TBL1X: variants seen among roughly 807,000 people sequenced by gnomAD.
The protein encoded by TBL1X is F-box-like/WD repeat-containing protein TBL1X.
Under a neutral mutation model 50.7 loss-of-function variants are expected in TBL1X, and 10 were observed. The observed-to-expected ratio is 0.20, with a 90% CI of 0.12 to 0.33. The LOEUF is 0.33. TBL1X is among the 10% of genes least tolerant of loss of function. The probability of loss-of-function intolerance (pLI) is 1.00; values close to 1 mark genes in which losing one functional copy is unlikely to be tolerated. For synonymous variants in TBL1X, 190 were observed against 214.7 expected, an observed-to-expected ratio of 0.88 and a Z score of 1.01; for missense variants, 340 against 504.4, an observed-to-expected ratio of 0.67 and a Z score of 3.12.
intron 2 of TBL1X, among the ~76,000 whole-genome samples, chrX:9,512,679 G>A (rs1468024328): frequency 1.8e-5 from 2 of 109,594 alleles, no homozygotes; most frequent in Non-Finnish European, 3.8e-5. Context: ...TTGTAGTTTT[G>A]GTAGAGATGG....
At chrX:9,620,948 A>G in intron 2 of TBL1X, among the ~76,000 whole-genome samples, 1 of 111,608 alleles carries the variant, frequency 9.0e-6, no homozygotes, top group East Asian at 2.8e-4. Flanking sequence ...GATTCAGGAC[A>G]CTCCAGTGCA....
chrX:9,480,757 AC>A (rs60470790), intron 1 of TBL1X, among the ~76,000 whole-genome samples: 14,233 of 46,745 alleles, frequency 0.3, 1,658 homozygotes, highest in East Asian at 0.6. Flanking sequence ...AAATTAAGCC[AC>A]CCCCCCCCCC....
chrX:9,600,469 C>CGGGCGG (rs2084437279), intron 2 of TBL1X, among the ~76,000 whole-genome samples: 1 of 11,312 alleles, frequency 8.8e-5, no homozygotes, highest in Admixed American at 1.7e-3. Flanking sequence ...ATTTGGTGGG[C>CGGGCGG]GGGGGGGGGG....
chrX:9,676,810 C>T (rs770806950), intron 5 of TBL1X, among the ~76,000 whole-genome samples: 8 of 111,545 alleles, frequency 7.2e-5, no homozygotes, highest in Non-Finnish European at 7.5e-5. Context: ...ATATAGACTG[C>T]AAAGGCAAAA....
chrX:9,592,987 C>T (rs1316654720), intron 2 of TBL1X, among the ~76,000 whole-genome samples: 1 of 111,634 alleles, frequency 9.0e-6, no homozygotes, highest in African/African-American at 3.3e-5. Context: ...TTTTCTTGTA[C>T]ATTGCTTGTT....
At chrX:9,518,712 G>A (rs2082092950) in intron 2 of TBL1X, among the ~76,000 whole-genome samples, 1 of 110,848 alleles carries the variant, frequency 9.0e-6, no homozygotes, top group Non-Finnish European at 1.9e-5. Context: ...TTTGTTCATG[G>A]CCTTTTTCTG....
chrX:9,480,924 T>G (rs141241394), intron 1 of TBL1X, among the ~76,000 whole-genome samples: 1,379 of 111,304 alleles, frequency 0.012, 24 homozygotes, highest in African/African-American at 0.041. Context: ...TGTATGAATG[T>G]GTTGTTAGTA....
At chrX:9,554,332 C>T (rs2082284908) in intron 2 of TBL1X, among the ~76,000 whole-genome samples, 1 of 112,591 alleles carries the variant, frequency 8.9e-6, no homozygotes, top group South Asian at 3.6e-4. Context: ...TCCGAATAAG[C>T]AGATACTCTA....
chrX:9,516,806 C>T (rs1394950644), intron 2 of TBL1X, among the ~76,000 whole-genome samples: 2 of 111,957 alleles, frequency 1.8e-5, no homozygotes, highest in Non-Finnish European at 3.8e-5. Flanking sequence ...TCAAAAAAAG[C>T]TTACCACATT....
At chrX:9,473,884 CAG>C (rs1290415025) in intron 1 of TBL1X, among the ~76,000 whole-genome samples, 5 of 112,573 alleles carry the variant, frequency 4.4e-5, no homozygotes, top group African/African-American at 6.4e-5. Flanking sequence ...CAGTACATGA[CAG>C]AAATTATTGT....
intron 5 of TBL1X, among the ~76,000 whole-genome samples, chrX:9,678,111 A>T (rs923879174): frequency 3.6e-5 from 4 of 111,413 alleles, no homozygotes; most frequent in African/African-American, 1.3e-4. Flanking sequence ...TGTGTTTGTT[A>T]TATTGCAGTG....
chrX:9,685,642 A>G (rs899231277), intron 6 of TBL1X, among the ~76,000 whole-genome samples: 2 of 109,912 alleles, frequency 1.8e-5, no homozygotes, highest in Admixed American at 9.7e-5. Flanking sequence ...CCTTCACAGC[A>G]TGTTACACTG....
At chrX:9,675,784 G>A (rs922928946) in intron 5 of TBL1X, among the ~76,000 whole-genome samples, 9 of 108,944 alleles carry the variant, frequency 8.3e-5, no homozygotes, top group East Asian at 5.8e-4. Flanking sequence ...CCAGCTATTC[G>A]AGAGGCTGAG....
chrX:9,629,891 G>C (rs1286197760), intron 2 of TBL1X, among the ~76,000 whole-genome samples: 1 of 110,903 alleles, frequency 9.0e-6, no homozygotes, highest in Non-Finnish European at 1.9e-5. Context: ...TGAGGAGCAG[G>C]ACGGGGCTCA....
At chrX:9,713,274 A>G (rs1313243604) in intron 16 of TBL1X, among the ~76,000 whole-genome samples, 2 of 111,246 alleles carry the variant, frequency 1.8e-5, no homozygotes, top group Non-Finnish European at 3.8e-5. Context: ...CGTTCCTGAA[A>G]TCCTCGCTAG....
chrX:9,643,988 A>G (rs971995344), intron 3 of TBL1X, among the ~76,000 whole-genome samples: 1 of 112,259 alleles, frequency 8.9e-6, no homozygotes, highest in Non-Finnish European at 1.9e-5. Flanking sequence ...ACAACTTCAC[A>G]GGCCACATCA....
chrX:9,711,929 C>A (rs1319496614), intron 16 of TBL1X, among the ~76,000 whole-genome samples, 153 bp downstream of exon 16: 1 of 112,476 alleles, frequency 8.9e-6, no homozygotes, highest in African/African-American at 3.2e-5. Context: ...ACGTGCACCC[C>A]ACGTGGGCTG....
chrX:9,615,087 G>A (rs113529245), intron 2 of TBL1X, among the ~76,000 whole-genome samples: 79 of 111,633 alleles, frequency 7.1e-4, no homozygotes, highest in African/African-American at 2.2e-3. Context: ...GCACTCTGGG[G>A]TTACCTGGGT....
chrX:9,688,722 A>G (rs1005867795), intron 7 of TBL1X, among the ~76,000 whole-genome samples: 4 of 112,758 alleles, frequency 3.5e-5, no homozygotes, highest in African/African-American at 9.7e-5. Flanking sequence ...AAACCCCAGG[A>G]CATCAGTCCC....
Sources: gnomAD v4.1 joint callset for allele counts (sites outside exome capture counted in the v4.1 genomes callset) on GRCh38, gnomAD v4.1.1 for gene constraint, MANE v1.5 for transcripts, NCBI Gene and HGNC (gene_info 2026-07-23, HGNC 2026-07-21) for gene names.